Variants in PHF21B observed in about 807,000 individuals in gnomAD.
PHF21B encodes the protein PHD finger protein 4.
Under a neutral mutation model 62.2 loss-of-function variants are expected in PHF21B, and 22 were observed. That is an observed-to-expected ratio of 0.35 (90% confidence interval 0.25 to 0.51). The LOEUF is 0.51. PHF21B is among the 20% of genes least tolerant of loss of function. The pLI, the probability that PHF21B is intolerant of heterozygous loss-of-function variation, is 0.97. For synonymous variants in PHF21B, 341 were observed against 314.7 expected (o/e 1.08, Z -0.88); for missense variants, 701 against 707.9 (o/e 0.99, Z 0.11).
intron 2 of PHF21B, among the ~76,000 whole-genome samples, chr22:45,003,963 T>TTA (rs1379427284): frequency 6.6e-6 from 1 of 152,150 alleles, no homozygotes; most frequent in Non-Finnish European, 1.5e-5. Context: ...TATAGTCATT[T>TTA]TATACACACA....
intron 4 of PHF21B, among the ~76,000 whole-genome samples, chr22:44,915,129 T>C (rs1332324843): frequency 6.6e-6 from 1 of 152,242 alleles, no homozygotes; most frequent in Non-Finnish European, 1.5e-5. Flanking sequence ...AAGCTCTGTC[T>C]TCCTCTTTGT....
intron 2 of PHF21B, among the ~76,000 whole-genome samples, chr22:44,997,614 A>G (rs2073144062): frequency 6.6e-6 from 1 of 152,188 alleles, no homozygotes; most frequent in Non-Finnish European, 1.5e-5. Flanking sequence ...ATCTCACATT[A>G]AATTCTGGAT....
intron 2 of PHF21B, among the ~76,000 whole-genome samples, chr22:44,921,377 T>C (rs2071533591): frequency 6.6e-6 from 1 of 151,990 alleles, no homozygotes; most frequent in African/African-American, 2.4e-5. Flanking sequence ...TTTTCTTTTT[T>C]TTTTTCTTGA....
intron 2 of PHF21B, among the ~76,000 whole-genome samples, chr22:44,928,623 T>G (rs943090542): frequency 3.9e-5 from 6 of 152,242 alleles, no homozygotes; most frequent in African/African-American, 1.4e-4. Flanking sequence ...TTGACTGGGC[T>G]GGTCTCGAAC....
intron 2 of PHF21B, among the ~76,000 whole-genome samples, chr22:44,982,069 G>A (rs892594129): frequency 6.6e-6 from 1 of 152,218 alleles, no homozygotes; most frequent in Non-Finnish European, 1.5e-5. Context: ...GGGGTGTGGC[G>A]GTGGAAACAG....
At chr22:44,916,651 T>G (rs370453224) in intron 3 of PHF21B, 21 bp from the exon 4 acceptor site, 2 of 1,595,378 alleles carry the variant, frequency 1.3e-6, no homozygotes, top group South Asian at 1.1e-5. Context: ...GGGACAGGTA[T>G]GTGGTCAGAC....
In PHF21B at chr22:44,916,303, G is replaced by A; in HGVS notation, c.541C>T (p.Leu181Phe). 6.2e-7 allele frequency: 1 copy of A among 1,605,276 alleles called. No homozygotes were observed. Among genetic ancestry groups the A allele is most frequent in the Non-Finnish European group, 8.5e-7 (1 of 1,178,284 alleles). Residue 181 changes from leucine to phenylalanine, a missense_variant, in exon 4 of 13, where the codon CTC (leucine) becomes TTC (phenylalanine). Transcript: ENST00000313237. ...VVSDSIKVQP[L>F]LISADNKPPP... ...ACCTTGTTGTCAGCACTGATGAGGA[G>A]GGGCTGGACTTTGATGCTGTCACTG... is the stretch of plus-strand genomic sequence containing the variant.
chr22:44,886,899 A>T (rs1305567522), intron 10 of PHF21B, among the ~76,000 whole-genome samples: 1 of 152,160 alleles, frequency 6.6e-6, no homozygotes, highest in East Asian at 1.9e-4. Flanking sequence ...TCATACCTGT[A>T]ATCCCAGCAC....
At chr22:44,984,658 T>G (rs926908714) in intron 2 of PHF21B, among the ~76,000 whole-genome samples, 1 of 152,218 alleles carries the variant, frequency 6.6e-6, no homozygotes, top group Non-Finnish European at 1.5e-5. Flanking sequence ...ACATGCTTAT[T>G]TGTATTTCAA....
intron 2 of PHF21B, among the ~76,000 whole-genome samples, chr22:44,936,416 G>A (rs115361991): frequency 2.9e-4 from 44 of 152,232 alleles, no homozygotes; most frequent in African/African-American, 9.9e-4. Flanking sequence ...CCTGTATACC[G>A]GCAGCCCTGT....
Position 44,994,342 on chromosome 22 carries a change from C to A in PHF21B, c.120+14203G>T, listed in dbSNP as rs2073086597. Among the ~76,000 whole-genome samples, 10 of 152,190 alleles carry A rather than the reference C, an allele frequency of 6.6e-5. No homozygotes were observed. In the South Asian group the frequency reaches 2.1e-3, roughly 32 times the overall value. ...GCTTATAAGACAAGGAGAAAAGACT[C>A]CCAGACAGACCCTGAGGTAAGACAG... On this transcript the variant is annotated intron_variant, in intron 2 of 12. Coordinates refer to ENST00000313237, the MANE Select transcript of PHF21B (RefSeq NM_138415.5).
chr22:44,907,407 CCT>C (rs1416746476), intron 5 of PHF21B, among the ~76,000 whole-genome samples: 1 of 152,226 alleles, frequency 6.6e-6, no homozygotes, highest in African/African-American at 2.4e-5. Context: ...CACGATCCCA[CCT>C]CTGTGTGCTT....
chr22:44,979,506 G>T (rs2147471408), intron 2 of PHF21B, among the ~76,000 whole-genome samples: 1 of 152,360 alleles, frequency 6.6e-6, no homozygotes, highest in East Asian at 1.9e-4. Context: ...GCAGCCAGTG[G>T]CAGAAAGGAA....
intron 2 of PHF21B, among the ~76,000 whole-genome samples, chr22:44,998,046 C>T (rs1472115692): frequency 6.6e-6 from 1 of 152,218 alleles, no homozygotes; most frequent in African/African-American, 2.4e-5. Context: ...TCCTGATTCT[C>T]CAGGGACACA....
chr22:45,004,588 G>T (rs771637474), intron 2 of PHF21B, among the ~76,000 whole-genome samples: 2 of 152,226 alleles, frequency 1.3e-5, no homozygotes, highest in Non-Finnish European at 2.9e-5. Context: ...ACATCAGAGA[G>T]ATTAAAATGT....
chr22:44,930,413 A>G (rs991467857), intron 2 of PHF21B, among the ~76,000 whole-genome samples: 1 of 152,222 alleles, frequency 6.6e-6, no homozygotes, highest in African/African-American at 2.4e-5. Context: ...ATATTTTATA[A>G]TAAATAAATA....
At chr22:44,955,773 T>G (rs1442760936) in intron 2 of PHF21B, among the ~76,000 whole-genome samples, 1 of 152,128 alleles carries the variant, frequency 6.6e-6, no homozygotes, top group Non-Finnish European at 1.5e-5. Context: ...CCTCCACCAT[T>G]GCAGGAGCTG....
intron 2 of PHF21B, among the ~76,000 whole-genome samples, chr22:44,929,581 T>C (rs136687): frequency 0.84 from 128,024 of 152,232 alleles, 55,960 homozygotes; most frequent in East Asian, 0.97. Context: ...GAATTTGACT[T>C]CTGGACTGGC....
At chr22:44,933,345 AG>A (rs2071779651) in intron 2 of PHF21B, 1 of 542,346 alleles carries the variant, frequency 1.8e-6, no homozygotes, top group African/African-American at 2.1e-5. Flanking sequence ...TCCCGCCATC[AG>A]GGGATCCGTC....
Sources: allele counts gnomAD v4.1 joint callset (sites outside exome capture counted in the v4.1 genomes callset), GRCh38; gene constraint gnomAD v4.1.1; transcripts MANE v1.5; gene names NCBI Gene and HGNC (gene_info 2026-07-23, HGNC 2026-07-21).